ATRX: variants seen among roughly 807,000 people sequenced by gnomAD.
The protein encoded by ATRX is ATRX chromatin remodeler.
Under a neutral mutation model 172.6 loss-of-function variants are expected in ATRX, and 12 were observed. The ratio of observed to expected loss-of-function variants is 0.07; its 90% CI spans 0.04 to 0.11. The LOEUF is 0.11. ATRX is among the 10% of genes least tolerant of loss of function. The pLI, the probability that ATRX is intolerant of heterozygous loss-of-function variation, is 1.00. For missense variants in ATRX, 1,368 were observed against 1,767.4 expected, an observed-to-expected ratio of 0.77 and a Z score of 4.05; for synonymous variants, 674 against 594.7, an observed-to-expected ratio of 1.13 and a Z score of -1.94.
chrX:77,766,536 C>T (rs2075949440), intron 1 of ATRX, among the ~76,000 whole-genome samples: 1 of 109,413 alleles, frequency 9.1e-6, no homozygotes, highest in Non-Finnish European at 1.9e-5. Context: ...TCCTCACCTC[C>T]CAGACGGGGT....
At chrX:77,701,012 A>T (rs1422523818) in intron 2 of ATRX, among the ~76,000 whole-genome samples, 1 of 112,311 alleles carries the variant, frequency 8.9e-6, no homozygotes, top group Non-Finnish European at 1.9e-5. Context: ...TATAACACCA[A>T]GAGTGAACCT....
At chrX:77,624,450 C>T (rs1292179832) in intron 19 of ATRX, among the ~76,000 whole-genome samples, 2 of 111,448 alleles carry the variant, frequency 1.8e-5, no homozygotes, top group South Asian at 3.8e-4. Flanking sequence ...TGTTTGCTGA[C>T]GATTATCGTT....
intron 1 of ATRX, among the ~76,000 whole-genome samples, chrX:77,765,836 C>A (rs781926430): frequency 1.3e-3 from 137 of 108,877 alleles, no homozygotes; most frequent in South Asian, 4.5e-3. Context: ...GAGGACCCTG[C>A]GGCCTTCCAC....
intron 15 of ATRX, among the ~76,000 whole-genome samples, chrX:77,637,529 TC>T (rs2068443145): frequency 9.0e-6 from 1 of 110,933 alleles, no homozygotes; most frequent in Admixed American, 9.6e-5. Flanking sequence ...AGAGGGTTGA[TC>T]CCCCGAGTCC....
At chrX:77,714,432 A>G (rs782717541) in intron 2 of ATRX, among the ~76,000 whole-genome samples, 14 of 112,016 alleles carry the variant, frequency 1.2e-4, no homozygotes, top group African/African-American at 4.5e-4. Flanking sequence ...AAAACATATT[A>G]AGTTTTGATA....
At chrX:77,588,947 T>C (rs1206380399) in intron 27 of ATRX, among the ~76,000 whole-genome samples, 2 of 112,219 alleles carry the variant, frequency 1.8e-5, no homozygotes, top group Admixed American at 1.9e-4. Context: ...AGGATGGTTA[T>C]AACAAAAACA....
chrX:77,593,558 G>A (rs1040760797), intron 26 of ATRX, 138 bp downstream of exon 26: 6 of 612,636 alleles, frequency 9.8e-6, no homozygotes, highest in Middle Eastern at 5.2e-4. Flanking sequence ...GCTTGTATTG[G>A]CCTAGCACTA....
At chrX:77,564,840 C>A (rs2065142309) in intron 28 of ATRX, among the ~76,000 whole-genome samples, 1 of 111,535 alleles carries the variant, frequency 9.0e-6, no homozygotes, top group Non-Finnish European at 1.9e-5. Flanking sequence ...GATAACCACT[C>A]AATTCCAACC....
At chrX:77,517,756 T>C (rs1267383820) in intron 34 of ATRX, among the ~76,000 whole-genome samples, 2 of 111,978 alleles carry the variant, frequency 1.8e-5, no homozygotes, top group Non-Finnish European at 3.8e-5. Flanking sequence ...TGAACATTCA[T>C]GCAAAAATTC....
In ATRX at chrX:77,652,075, T is replaced by C. The variant is rs781786286; in HGVS notation, c.4557+39A>G. Reference sequence around the variant, plus strand: ...GCCTGGGCAACAGAGCAAGACCCTGTAGCTACAAAAGAAAAAGAAGAAGAA... The same window carrying C: ...GCCTGGGCAACAGAGCAAGACCCTGCAGCTACAAAAGAAAAAGAAGAAGAA... On this transcript the variant is annotated intron_variant, in intron 15 of 34. Coordinates refer to ENST00000373344, the MANE Select transcript of ATRX (RefSeq NM_000489.6). The C allele has an allele frequency of 5.0e-6, 6 of 1,196,729 alleles. No individual in the cohort carries two copies. The South Asian group carries it at 1.1e-4, about 21-fold the overall frequency.
At chrX:77,763,161 T>G (rs1194925946) in intron 1 of ATRX, among the ~76,000 whole-genome samples, 6 of 109,368 alleles carry the variant, frequency 5.5e-5, no homozygotes, top group Admixed American at 9.9e-5. Context: ...TTGTTTTTTT[T>G]GGGATGGAGT....
intron 30 of ATRX, among the ~76,000 whole-genome samples, chrX:77,556,279 G>GAGAGAGGA (rs1569522525): frequency 4.9e-5 from 3 of 60,689 alleles, no homozygotes; most frequent in African/African-American, 2.1e-4. Context: ...GGGAGAGAGG[G>GAGAGAGGA]AGAGGGAGAG....
chrX:77,522,726 C>A, intron 31 of ATRX, among the ~76,000 whole-genome samples: 1 of 111,832 alleles, frequency 8.9e-6, no homozygotes, highest in South Asian at 3.7e-4. Flanking sequence ...TAAGGTTTCC[C>A]ATGCTCAGGC....
At chrX:77,513,003 A>G (rs1252376870) in intron 34 of ATRX, among the ~76,000 whole-genome samples, 1 of 111,589 alleles carries the variant, frequency 9.0e-6, no homozygotes, top group Non-Finnish European at 1.9e-5. Flanking sequence ...TGGCAGGAGT[A>G]AGTCCTAACT....
intron 30 of ATRX, among the ~76,000 whole-genome samples, chrX:77,532,562 A>G (rs1469129175): frequency 3.6e-5 from 4 of 111,979 alleles, no homozygotes; most frequent in Non-Finnish European, 5.6e-5. Context: ...CTATTTAATA[A>G]GTGGTGCTAG....
intron 1 of ATRX, among the ~76,000 whole-genome samples, chrX:77,758,861 TTAAA>T (rs1309257715): frequency 8.9e-5 from 10 of 112,369 alleles, no homozygotes; most frequent in Non-Finnish European, 1.5e-4. Flanking sequence ...TTCTGCATCA[TTAAA>T]TATTCTTCTA....
intron 34 of ATRX, among the ~76,000 whole-genome samples, chrX:77,510,354 T>C (rs1557036036): frequency 9.1e-6 from 1 of 109,373 alleles, no homozygotes; most frequent in Non-Finnish European, 1.9e-5. Context: ...AGGTGTGACA[T>C]AGCACATTCC....
At chrX:77,555,679 G>A (rs1268371922) in intron 30 of ATRX, among the ~76,000 whole-genome samples, 2 of 109,728 alleles carry the variant, frequency 1.8e-5, no homozygotes, top group Admixed American at 1.9e-4. Flanking sequence ...CATGGGGAGG[G>A]TTACATCACC....
At chrX:77,640,096 A>G (rs1342152272) in intron 15 of ATRX, among the ~76,000 whole-genome samples, 2 of 111,840 alleles carry the variant, frequency 1.8e-5, no homozygotes, top group Non-Finnish European at 3.8e-5. Flanking sequence ...ACCAAATACC[A>G]CATGTTCTCC....
Sources: gnomAD v4.1 joint callset for allele counts (sites outside exome capture counted in the v4.1 genomes callset) on GRCh38, gnomAD v4.1.1 for gene constraint, MANE v1.5 for transcripts, NCBI Gene and HGNC (gene_info 2026-07-23, HGNC 2026-07-21) for gene names.